MAP3K14: variants seen among roughly 807,000 people sequenced by gnomAD.
MAP3K14 encodes the protein mitogen-activated protein kinase kinase kinase 14, also known as NF-kappa-beta-inducing kinase.
A neutral mutation model predicts 99.2 loss-of-function variants in MAP3K14; 16 were observed. The observed-to-expected ratio is 0.16, with a 90% CI of 0.11 to 0.24. The LOEUF (loss-of-function observed/expected upper bound fraction) is 0.24, where lower values mean the gene tolerates loss of function less well. MAP3K14 is among the 10% of genes least tolerant of loss of function. The pLI is 1.00. For synonymous variants in MAP3K14, 462 were observed against 492.4 expected, an observed-to-expected ratio of 0.94 and a Z score of 0.82; for missense variants, 784 against 1,208.7, an observed-to-expected ratio of 0.65 and a Z score of 5.21.
intron 13 of MAP3K14, 108 bp downstream of exon 13, chr17:45,266,984 A>T: frequency 1.2e-6 from 1 of 856,168 alleles, no homozygotes; most frequent in Non-Finnish European, 1.9e-6. Context: ...TTTACCCACT[A>T]CTTGCACAGT....
chr17:45,264,574 G>C lies in MAP3K14; in HGVS notation c.*62C>G. On this transcript the variant is annotated 3_prime_UTR_variant, in exon 16 of 16. Coordinates refer to ENST00000344686, the MANE Select transcript of MAP3K14 (RefSeq NM_003954.5). The stretch of plus-strand genomic sequence containing the variant: ...ACGGCTGAGCCTGTGTTTCAGGGCA[G>C]CATCGTGCACCGAGCAGGAAGGCTG... The C allele has an allele frequency of 8.1e-6, 12 of 1,482,568 alleles. No homozygotes were observed. The highest frequency in any genetic ancestry group is 1.3e-5 in the South Asian group (1 of 75,746). 91.8% of individuals were successfully genotyped at this position (1,482,568 alleles called of 1,614,324 possible).
intron 1 of MAP3K14, among the ~76,000 whole-genome samples, chr17:45,313,077 G>A (rs554786777): frequency 5.7e-4 from 87 of 152,224 alleles, no homozygotes; most frequent in African/African-American, 2.0e-3. Flanking sequence ...GCCTCATTTG[G>A]AGTATGGTGA....
chr17:45,295,895 A>G (rs1237614889), intron 1 of MAP3K14, among the ~76,000 whole-genome samples: 1 of 152,200 alleles, frequency 6.6e-6, no homozygotes, highest in African/African-American at 2.4e-5. Flanking sequence ...TCTCTGTTTC[A>G]GCACCATATA....
intron 9 of MAP3K14, 45 bp downstream of exon 9, chr17:45,273,458 C>A (rs367864925): frequency 1.4e-6 from 2 of 1,435,384 alleles, no homozygotes; most frequent in Non-Finnish European, 1.9e-6. Context: ...AGGCATTTGG[C>A]GAATGAATGC....
At chr17:45,304,251 G>C (rs931178507) in intron 1 of MAP3K14, among the ~76,000 whole-genome samples, 1 of 152,004 alleles carries the variant, frequency 6.6e-6, no homozygotes, top group Non-Finnish European at 1.5e-5. Context: ...CAATCCACCC[G>C]CCTTGGCCTC....
Position 45,287,230 on chromosome 17 carries a change from A to C in MAP3K14, c.461T>G (p.Leu154Arg). 2 of 1,614,016 alleles carry C rather than the reference A, an allele frequency of 1.2e-6. No individual in the cohort carries two copies. Among genetic ancestry groups the C allele is most frequent in the Non-Finnish European group, 1.7e-6 (2 of 1,179,878 alleles). ...GGCCAAGGCCACTCCTGCATGAGCCAGGGACTTTGAGCTCTTCTTCTTCCG... is the reference window on the plus strand; with the variant it reads ...GGCCAAGGCCACTCCTGCATGAGCCCGGGACTTTGAGCTCTTCTTCTTCCG... Reference protein sequence around the residue: ...KKRKKKSSKSLAHAGVALAKP... With the variant: ...KKRKKKSSKSRAHAGVALAKP... Residue 154 changes from leucine (L) to arginine (R), a missense_variant, in exon 4 of 16, where the codon CTG (leucine) becomes CGG (arginine). Coordinates refer to ENST00000344686, the MANE Select transcript of MAP3K14 (RefSeq NM_003954.5).
At chr17:45,302,482 A>G (rs1304575770) in intron 1 of MAP3K14, among the ~76,000 whole-genome samples, 4 of 151,864 alleles carry the variant, frequency 2.6e-5, no homozygotes, top group African/African-American at 9.7e-5. Context: ...TAATTTTTCT[A>G]TTTTTAGTAG....
At chr17:45,309,614 G>A (rs2044456805) in intron 1 of MAP3K14, among the ~76,000 whole-genome samples, 1 of 152,190 alleles carries the variant, frequency 6.6e-6, no homozygotes, top group Non-Finnish European at 1.5e-5. Context: ...AGCCTGGCTG[G>A]ACAGGGACAC....
rs146581377 is a variant in MAP3K14 at position 45,308,109 on chromosome 17, T to C, written c.-21+8851A>G. Among the ~76,000 whole-genome samples the C allele has an allele frequency of 4.4e-3, 675 of 152,230 alleles. 9 individuals are homozygous for C. The highest frequency in any genetic ancestry group is 0.016 in the African/African-American group (648 of 41,526). On this transcript the variant is annotated intron_variant, in intron 1 of 15. Transcript: ENST00000344686. ...CAGAGGATCTCACACGATTCTTTGG[T>C]AAAAGAGGGTAAATCATGAAACAGC...
rs1302952450 is a variant in MAP3K14, at chr17:45,272,876, G to A, written c.1657+627C>T. ...AATTACTTGAACCCGGGAGGAGGAG[G>A]TTGCAGTGAGCTGAGATTGTGCCAC... On this transcript the variant is annotated intron_variant, in intron 9 of 15. Transcript: ENST00000344686. This position sits in a 1 kb window ranked among gnomAD's most constrained non-coding sequence, Gnocchi z 4.1. 1.3e-5 allele frequency among the ~76,000 whole-genome samples: 2 copies of A among 152,094 alleles called. No individual in the cohort carries two copies. Among genetic ancestry groups the A allele is most frequent in the Admixed American group, 6.6e-5 (1 of 15,264 alleles).
At chr17:45,302,365 C>A (rs528594569) in intron 1 of MAP3K14, among the ~76,000 whole-genome samples, 1 of 152,026 alleles carries the variant, frequency 6.6e-6, no homozygotes, top group Non-Finnish European at 1.5e-5. Context: ...TGGAGTGCAA[C>A]GGTGCGATCT....
At position 45,267,629 on chromosome 17, in the gene MAP3K14, C is replaced by A; in HGVS notation, c.2103G>T (p.Arg701=). 6.2e-7 allele frequency: 1 copy of A among 1,613,334 alleles called. No individual in the cohort carries two copies. The highest frequency in any genetic ancestry group is 1.1e-5 in the South Asian group (1 of 91,022). Residue 701 remains arginine, a synonymous_variant, in exon 12 of 16, where the codon CGG becomes CGT. Coordinates refer to ENST00000344686, the MANE Select transcript of MAP3K14 (RefSeq NM_003954.5). This position sits in a 1 kb window ranked among gnomAD's most constrained non-coding sequence, Gnocchi z 5.1. ...RELSPRAPGP[R]PAEETTGRAP... is the part of the protein sequence containing the mutation. The stretch of plus-strand genomic sequence containing the variant: ...CTCTGCCTGTTGTCTCCTCAGCTGG[C>A]CGGGGCCCTGGGGCCCTTGGCGAAA...
intron 10 of MAP3K14, 81 bp from the exon 11 acceptor site, chr17:45,270,644 C>A: frequency 6.9e-7 from 1 of 1,442,998 alleles, no homozygotes. Context: ...TGCGCAACTC[C>A]CGCCGGCCCC....
At position 45,264,776 on chromosome 17, in the gene MAP3K14, C is replaced by A; in HGVS notation, c.2704G>T (p.Val902Phe). ...CGAACAGGCTGCCCGTCTTTGGTGACCAAGCTGAAGGCTGCAGCTGGGATC... is the reference window on the plus strand; with the variant it reads ...CGAACAGGCTGCCCGTCTTTGGTGAACAAGCTGAAGGCTGCAGCTGGGATC... Reference protein sequence around the residue: ...SQIPAAAFSLVTKDGQPVRYD... With the variant: ...SQIPAAAFSLFTKDGQPVRYD... The change falls in exon 16 of 16, where the codon GTC (valine) becomes TTC (phenylalanine). Residue 902 changes from valine to phenylalanine, a missense_variant. Physicochemically the swap from Val to Phe is conservative, Grantham distance 50 (BLOSUM62 -1). This residue lies in a region of MAP3K14 where 130 missense variants were observed against 220.4 expected (regional missense o/e 0.59). Coordinates refer to ENST00000344686, the MANE Select transcript of MAP3K14 (RefSeq NM_003954.5). 1 of 1,613,420 alleles carries A rather than the reference C, an allele frequency of 6.2e-7. No individual in the cohort carries two copies. The highest frequency in any genetic ancestry group is 1.1e-5 in the South Asian group (1 of 90,946).
rs1246032571 is a variant in MAP3K14, at chr17:45,264,637, T to TAGG, written c.2840_2842dup (p.Pro947_Ter948insSer). 2.5e-6 allele frequency: 4 copies of TAGG among 1,575,184 alleles called. No homozygotes were observed. The highest frequency in any genetic ancestry group is 3.4e-6 in the Non-Finnish European group (4 of 1,161,120). On this transcript the variant is annotated inframe_insertion, in exon 16 of 16. Coordinates refer to ENST00000344686, the MANE Select transcript of MAP3K14 (RefSeq NM_003954.5). ...TGGAGCCGGCGGTGGAGGGCAGGGT[T>TAGG]AGGGCCTGTTCTCCAGCTGGCCATG...
intron 8 of MAP3K14, 25 bp downstream of exon 8, chr17:45,274,098 C>A (rs2044160779): frequency 1.2e-6 from 2 of 1,604,848 alleles, no homozygotes; most frequent in East Asian, 4.5e-5. Flanking sequence ...TGCTGGGGAT[C>A]AGGGCCGTGG....
chr17:45,282,467 G>A (rs1257072268), intron 6 of MAP3K14, among the ~76,000 whole-genome samples: 2 of 149,840 alleles, frequency 1.3e-5, no homozygotes, highest in Admixed American at 1.3e-4. Context: ...AGGCAACAGG[G>A]TTGTTTGGGT....
chr17:45,268,095 T>C, intron 11 of MAP3K14: 1 of 256,002 alleles, frequency 3.9e-6, no homozygotes. Flanking sequence ...GCCCTGGGGC[T>C]ACACCAACTC....
At chr17:45,277,729 C>G (rs147610568) in intron 6 of MAP3K14, among the ~76,000 whole-genome samples, 2 of 152,290 alleles carry the variant, frequency 1.3e-5, no homozygotes, top group South Asian at 4.1e-4. Flanking sequence ...AAACGGCCAC[C>G]GCAGTATCTG....
Sources: gnomAD v4.1 joint callset for allele counts (sites outside exome capture counted in the v4.1 genomes callset) on GRCh38, gnomAD v4.1.1 for gene constraint, gnomAD v4.1.1 regional missense constraint, Gnocchi (gnomAD v3.1) non-coding constraint, MANE v1.5 for transcripts, NCBI Gene and HGNC (gene_info 2026-07-23, HGNC 2026-07-21) for gene names.